The following CHURC1 variants were observed in gnomAD, a reference collection of about 807,000 sequenced individuals.
CHURC1 encodes the protein protein Churchill.
CHURC1 carries 12 observed loss-of-function variants against 15.4 expected under a neutral mutation model. The ratio of observed to expected loss-of-function variants is 0.78; its 90% CI spans 0.50 to 1.27. The LOEUF (loss-of-function observed/expected upper bound fraction) is 1.27, where lower values mean the gene tolerates loss of function less well. Among genes scored for constraint, CHURC1 ranks in the 50% most tolerant of loss-of-function variants. CHURC1 has a pLI of 0.00. For synonymous variants in CHURC1, 42 were observed against 47.5 expected, an observed-to-expected ratio of 0.88 and a Z score of 0.48; for missense variants, 132 against 137.8, an observed-to-expected ratio of 0.96 and a Z score of 0.21.
Position 64,934,765 on chromosome 14 carries a change from T to C in CHURC1, c.*2535T>C. ...CCTTGAGTTTGCTAATGCTTCCAAC[T>C]TAGTCATTTGAAGCCCAAGAGTCTA... is the stretch of plus-strand genomic sequence containing the variant. On this transcript the variant is annotated 3_prime_UTR_variant, in exon 4 of 4. Coordinates refer to ENST00000549115, the MANE Select transcript of CHURC1 (RefSeq NM_001386928.1). 1 of 985,418 alleles carries C rather than the reference T, an allele frequency of 1.0e-6. No homozygotes were observed. The highest frequency in any genetic ancestry group is 1.2e-6 in the Non-Finnish European group (1 of 829,918). The allele number at this position is 985,418 out of a possible 1,614,324, so 61.0% of individuals were successfully genotyped here.
Position 64,933,609 on chromosome 14 carries a change from T to C in CHURC1, c.*1379T>C, listed in dbSNP as rs1171418220. ...GGAGATTTAAATGAATTAGTGAATG[T>C]AAGATACTTTAGAAAGCATGTAAAG... On this transcript the variant is annotated 3_prime_UTR_variant, in exon 4 of 4. Coordinates refer to ENST00000549115, the MANE Select transcript of CHURC1 (RefSeq NM_001386928.1). 7.1e-6 allele frequency: 7 copies of C among 984,564 alleles called. No homozygotes were observed. Among genetic ancestry groups the C allele is most frequent in the Non-Finnish European group, 8.4e-6 (7 of 829,234 alleles). 61.0% of individuals were successfully genotyped at this position (984,564 alleles called of 1,614,324 possible).
At chr14:64,920,688 C>T (rs773311490) in intron 1 of CHURC1, among the ~76,000 whole-genome samples, 2 of 152,234 alleles carry the variant, frequency 1.3e-5, no homozygotes, top group Non-Finnish European at 2.9e-5. Flanking sequence ...GGCTAGGCCA[C>T]GTTGTGCAAG....
rs368636780 is a variant in CHURC1 at position 64,924,058 on chromosome 14, G to A, written c.107G>A (p.Arg36Gln). 285 of 1,607,674 alleles carry A rather than the reference G, an allele frequency of 1.8e-4. No individual in the cohort carries two copies. The highest frequency in any genetic ancestry group is 2.3e-4 in the Non-Finnish European group (272 of 1,176,758). Residue 36 changes from arginine (R) to glutamine (Q), a missense_variant, in exon 2 of 4, where the codon CGG becomes CAG. By Grantham distance (43) the Arg-to-Gln change is conservative (BLOSUM62 1). Coordinates refer to ENST00000549115, the MANE Select transcript of CHURC1 (RefSeq NM_001386928.1). ...NFTGCAVCSKRDFMLITNKSL... is the reference protein window; with the variant it reads ...NFTGCAVCSKQDFMLITNKSL... ...ACAGGCTGTGCAGTGTGCAGTAAGC[G>A]GGATTTTATGCTGATCACAAACAAA... is the stretch of plus-strand genomic sequence containing the variant.
intron 1 of CHURC1, among the ~76,000 whole-genome samples, chr14:64,915,627 G>C (rs1883830193): frequency 6.6e-6 from 1 of 152,118 alleles, no homozygotes. Context: ...GTATCTTATG[G>C]GTAATACTTA....
chr14:64,918,607 G>A (rs767780824), intron 1 of CHURC1, among the ~76,000 whole-genome samples: 1 of 152,116 alleles, frequency 6.6e-6, no homozygotes, highest in Non-Finnish European at 1.5e-5. Context: ...GCACAAGGAT[G>A]GCTTGAACCC....
At chr14:64,924,629 A>G (rs1033507204) in intron 2 of CHURC1, 4 of 151,888 alleles carry the variant, frequency 2.6e-5, no homozygotes, top group African/African-American at 7.3e-5. Context: ...TTCTTCTCCA[A>G]TCTCACTGTC....
At chr14:64,918,425 C>G (rs896121589) in intron 1 of CHURC1, among the ~76,000 whole-genome samples, 2 of 152,170 alleles carry the variant, frequency 1.3e-5, no homozygotes, top group Non-Finnish European at 1.5e-5. Flanking sequence ...GTCAAGGATC[C>G]TTCCAACTCT....
chr14:64,921,594 G>C (rs1884303057), intron 1 of CHURC1, among the ~76,000 whole-genome samples: 1 of 152,114 alleles, frequency 6.6e-6, no homozygotes, highest in Non-Finnish European at 1.5e-5. Context: ...GGAAACAAAA[G>C]TTAAAACTAC....
Position 64,924,043 on chromosome 14 carries a change from C to T in CHURC1, c.92C>T (p.Ala31Val). The T allele has an allele frequency of 6.2e-7, 1 of 1,605,758 alleles. No individual in the cohort carries two copies. Among genetic ancestry groups the T allele is most frequent in the Non-Finnish European group, 8.5e-7 (1 of 1,175,536 alleles). ...GSFLLNFTGCAVCSKRDFMLI... is the reference protein window; with the variant it reads ...GSFLLNFTGCVVCSKRDFMLI... ...TTCTTACTGAACTTTACAGGCTGTG[C>T]AGTGTGCAGTAAGCGGGATTTTATG... is the stretch of plus-strand genomic sequence containing the variant. Residue 31 changes from alanine to valine, a missense_variant, in exon 2 of 4, where the codon GCA becomes GTA. Ala to Val is a moderately conservative substitution (Grantham distance 64, BLOSUM62 0). Transcript: ENST00000549115.
At position 64,932,454 on chromosome 14, in the gene CHURC1, G is replaced by A; in HGVS notation, c.*224G>A. 8.0e-7 allele frequency: 1 copy of A among 1,245,508 alleles called. No homozygotes were observed. Among genetic ancestry groups the A allele is most frequent in the Non-Finnish European group, 1.0e-6 (1 of 989,232 alleles). The allele number at this position is 1,245,508 out of a possible 1,614,324, so 77.2% of individuals were successfully genotyped here. A position where few individuals can be genotyped will look rare whatever the true frequency, so the allele number is the denominator to read the frequency against. ...TTCACATCAGTGTAGCCAGAGTGAAGCATCTTTGTTAGCAGTTATGTGGTC... is the reference window on the plus strand; with the variant it reads ...TTCACATCAGTGTAGCCAGAGTGAAACATCTTTGTTAGCAGTTATGTGGTC... On this transcript the variant is annotated 3_prime_UTR_variant, in exon 4 of 4. Transcript: ENST00000549115.
intron 1 of CHURC1, among the ~76,000 whole-genome samples, chr14:64,917,708 G>A (rs1368652189): frequency 6.6e-6 from 1 of 152,102 alleles, no homozygotes; most frequent in African/African-American, 2.4e-5. Context: ...CTGGGCAACA[G>A]AGCGAGACCC....
rs1169113890 is a variant in CHURC1 at position 64,935,232 on chromosome 14, C to G, written c.*3002C>G. On this transcript the variant is annotated 3_prime_UTR_variant, in exon 4 of 4. Coordinates refer to ENST00000549115, the MANE Select transcript of CHURC1 (RefSeq NM_001386928.1). The stretch of plus-strand genomic sequence containing the variant: ...ATAGCATTAGGAGATATACCTGATG[C>G]TAAATGACGAGTTAGTGGGTGCAGC... The G allele has an allele frequency of 1.2e-5, 3 of 255,036 alleles. No homozygotes were observed. The Admixed American group carries it at 2.0e-4, about 17-fold the overall frequency. The allele number at this position is 255,036 out of a possible 1,614,324, so 15.8% of individuals were successfully genotyped here. A position where few individuals can be genotyped will look rare whatever the true frequency, so the allele number is the denominator to read the frequency against.
Position 64,934,448 on chromosome 14 carries a change from G to A in CHURC1, c.*2218G>A. The A allele has an allele frequency of 2.6e-5, 26 of 985,304 alleles. No individual in the cohort carries two copies. The highest frequency in any genetic ancestry group is 3.1e-5 in the Non-Finnish European group (26 of 829,866). 61.0% of individuals were successfully genotyped at this position (985,304 alleles called of 1,614,324 possible). A position where few individuals can be genotyped will look rare whatever the true frequency, so the allele number is the denominator to read the frequency against. On this transcript the variant is annotated 3_prime_UTR_variant, in exon 4 of 4. Transcript: ENST00000549115. The stretch of plus-strand genomic sequence containing the variant: ...TTACCCCCTCTCAGTAATTATGTTT[G>A]GCAAATATGAAATACAAGGATCTGG...
chr14:64,924,218 C>G, intron 2 of CHURC1, 92 bp downstream of exon 2: 2 of 1,415,142 alleles, frequency 1.4e-6, no homozygotes, highest in Admixed American at 4.7e-5. Flanking sequence ...AGGCCTATTT[C>G]AATATTGTAT....
chr14:64,929,081 G>C (rs1289155103), intron 3 of CHURC1, among the ~76,000 whole-genome samples: 1 of 151,890 alleles, frequency 6.6e-6, no homozygotes, highest in African/African-American at 2.4e-5. Flanking sequence ...ACCATTGAAG[G>C]CTGAATTACT....
chr14:64,934,323 G>A lies in CHURC1; in HGVS notation c.*2093G>A. ...AGGTCATGCCACTGCACTCCAGCCT[G>A]GGAGACAGAGCAAGACTCCATCTCA... On this transcript the variant is annotated 3_prime_UTR_variant, in exon 4 of 4. Coordinates refer to ENST00000549115, the MANE Select transcript of CHURC1 (RefSeq NM_001386928.1). The A allele has an allele frequency of 4.6e-6, 3 of 658,624 alleles. No homozygotes were observed. The highest frequency in any genetic ancestry group is 5.6e-6 in the Non-Finnish European group (3 of 531,316). The allele number at this position is 658,624 out of a possible 1,614,324, so 40.8% of individuals were successfully genotyped here. A position where few individuals can be genotyped will look rare whatever the true frequency, so the allele number is the denominator to read the frequency against.
chr14:64,934,601 A>G lies in CHURC1; in HGVS notation c.*2371A>G. 1 of 985,418 alleles carries G rather than the reference A, an allele frequency of 1.0e-6. No homozygotes were observed. The highest frequency in any genetic ancestry group is 1.2e-6 in the Non-Finnish European group (1 of 829,934). The allele number at this position is 985,418 out of a possible 1,614,324, so 61.0% of individuals were successfully genotyped here. A position where few individuals can be genotyped will look rare whatever the true frequency, so the allele number is the denominator to read the frequency against. On this transcript the variant is annotated 3_prime_UTR_variant, in exon 4 of 4. Coordinates refer to ENST00000549115, the MANE Select transcript of CHURC1 (RefSeq NM_001386928.1). ...GGGATCAGTTGTTTTATTCCTGGAAAATGTTTTTCATTTTGCTGCAAATCT... is the reference window on the plus strand; with the variant it reads ...GGGATCAGTTGTTTTATTCCTGGAAGATGTTTTTCATTTTGCTGCAAATCT...
chr14:64,932,164 C>G lies in CHURC1; in HGVS notation c.273C>G (p.Cys91Trp). ...FQEYTMLCLLCGKAEDTISIL... is the reference protein window; with the variant it reads ...FQEYTMLCLLWGKAEDTISIL... ...AGTATACCATGCTGTGTCTGTTATGCGGCAAAGCCGAAGATACTATCAGTA... is the reference window on the plus strand; with the variant it reads ...AGTATACCATGCTGTGTCTGTTATGGGGCAAAGCCGAAGATACTATCAGTA... The change falls in exon 4 of 4, where the codon TGC (cysteine) becomes TGG (tryptophan). Residue 91 changes from cysteine (C) to tryptophan (W), a missense_variant. Coordinates refer to ENST00000549115, the MANE Select transcript of CHURC1 (RefSeq NM_001386928.1). The G allele has an allele frequency of 1.2e-6, 2 of 1,613,780 alleles. No individual in the cohort carries two copies. The highest frequency in any genetic ancestry group is 1.7e-6 in the Non-Finnish European group (2 of 1,179,744).
intron 2 of CHURC1, among the ~76,000 whole-genome samples, chr14:64,925,692 G>C (rs1884632412): frequency 1.8e-5 from 1 of 56,302 alleles, no homozygotes; most frequent in South Asian, 5.4e-4. Flanking sequence ...GTAAGACCCG[G>C]CCTCAAAAAA....
Sources: allele counts gnomAD v4.1 joint callset (sites outside exome capture counted in the v4.1 genomes callset), GRCh38; gene constraint gnomAD v4.1.1; transcripts MANE v1.5; gene names NCBI Gene and HGNC (gene_info 2026-07-23, HGNC 2026-07-21).